SCD5: variants seen among roughly 807,000 people sequenced by gnomAD.
SCD5 encodes stearoyl-CoA desaturase 5, also known as acyl-CoA-desaturase 4.
SCD5 carries 20 observed loss-of-function variants against 30.4 expected under a neutral mutation model. That is an observed-to-expected ratio of 0.66 (90% CI 0.46 to 0.96). The LOEUF is 0.96. Ranked by LOEUF, SCD5 falls within the 40% of genes least tolerant of loss-of-function variation. The pLI is 0.00. For synonymous variants in SCD5, 173 were observed against 176.4 expected, an observed-to-expected ratio of 0.98 and a Z score of 0.16; for missense variants, 381 against 443.3, an observed-to-expected ratio of 0.86 and a Z score of 1.26.
chr4:82,715,776 G>C (rs1172799238), intron 1 of SCD5, among the ~76,000 whole-genome samples: 2 of 151,724 alleles, frequency 1.3e-5, no homozygotes, highest in Admixed American at 1.3e-4. Context: ...GCTGTCATAG[G>C]ATGATGCTGA....
At chr4:82,728,783 T>A (rs1003194621) in intron 1 of SCD5, among the ~76,000 whole-genome samples, 4 of 152,214 alleles carry the variant, frequency 2.6e-5, no homozygotes, top group African/African-American at 9.6e-5. Flanking sequence ...ATGACAATTC[T>A]GATTCTCCCA....
intron 1 of SCD5, among the ~76,000 whole-genome samples, chr4:82,772,779 T>C (rs1721656017): frequency 6.6e-6 from 1 of 152,200 alleles, no homozygotes; most frequent in South Asian, 2.1e-4. Flanking sequence ...GTCCTCTTCA[T>C]AGAATTTCTG....
chr4:82,750,784 T>C (rs1721086080), intron 1 of SCD5, among the ~76,000 whole-genome samples: 1 of 152,208 alleles, frequency 6.6e-6, no homozygotes, highest in Non-Finnish European at 1.5e-5. Context: ...TTACAGGTAG[T>C]GAATCTCATG....
At chr4:82,726,277 C>T (rs1422769147) in intron 1 of SCD5, among the ~76,000 whole-genome samples, 2 of 152,000 alleles carry the variant, frequency 1.3e-5, no homozygotes, top group African/African-American at 4.8e-5. Context: ...ATTAGCCGGG[C>T]GTGGTGGCTC....
At chr4:82,713,767 C>A (rs1241999629) in intron 1 of SCD5, among the ~76,000 whole-genome samples, 1 of 152,186 alleles carries the variant, frequency 6.6e-6, no homozygotes, top group Non-Finnish European at 1.5e-5. Context: ...TTTACTATTA[C>A]CCAGCAACCA....
At chr4:82,773,910 T>C (rs990279415) in intron 1 of SCD5, among the ~76,000 whole-genome samples, 17 of 151,904 alleles carry the variant, frequency 1.1e-4, no homozygotes, top group Admixed American at 3.3e-4. Flanking sequence ...GCCAATATGG[T>C]GAAACCTCGT....
At chr4:82,711,005 T>C (rs1275647573) in intron 1 of SCD5, among the ~76,000 whole-genome samples, 1 of 152,060 alleles carries the variant, frequency 6.6e-6, no homozygotes, top group Non-Finnish European at 1.5e-5. Flanking sequence ...CTGTGACAAT[T>C]TCTCTAAAGC....
chr4:82,700,849 T>C lies in SCD5; in HGVS notation c.363+4434A>G, dbSNP rs1270583272. ...AAGACATTCTCAGACAAACCAAAAT[T>C]GAGGGAATTTGTCACCAGTATACTT... On this transcript the variant is annotated intron_variant, in intron 2 of 4. Transcript: ENST00000319540. 2.8e-5 allele frequency among the ~76,000 whole-genome samples: 4 copies of C among 142,730 alleles called. No individual in the cohort carries two copies. In the Admixed American group the frequency reaches 2.8e-4, roughly 10 times the overall value. The allele number at this position is 142,730 out of a possible 152,430, so 93.6% of individuals were successfully genotyped here.
In SCD5 at chr4:82,685,787, T is replaced by C. The variant is rs1728690848; in HGVS notation, c.364-4875A>G. On this transcript the variant is annotated intron_variant, in intron 2 of 4. Transcript: ENST00000319540. ...AAACAAGTAAAATTAATTTTAATAA[T>C]ATATTTTACTTAGTGTAACATACCC... Among the ~76,000 whole-genome samples, 5 of 152,122 alleles carry C rather than the reference T, an allele frequency of 3.3e-5. No homozygotes were observed. The South Asian group carries it at 1.0e-3, about 32-fold the overall frequency.
intron 1 of SCD5, among the ~76,000 whole-genome samples, chr4:82,795,784 T>A (rs7692630): frequency 0.023 from 2,712 of 118,252 alleles, 84 homozygotes; most frequent in African/African-American, 0.082. Flanking sequence ...ATCGTGCCAC[T>A]GCACTCCAGC....
chr4:82,699,337 G>A (rs553934691), intron 2 of SCD5, among the ~76,000 whole-genome samples: 7 of 152,032 alleles, frequency 4.6e-5, no homozygotes, highest in Middle Eastern at 3.4e-3. Context: ...CTGTTTTCTC[G>A]CCTATCAAAT....
intron 1 of SCD5, among the ~76,000 whole-genome samples, chr4:82,717,899 G>C (rs1720263391): frequency 6.6e-6 from 1 of 151,274 alleles, no homozygotes; most frequent in Non-Finnish European, 1.5e-5. Context: ...CTGGGCGACA[G>C]AGTGAGATTC....
chr4:82,637,550 C>A lies in SCD5; in HGVS notation c.570-727G>T, dbSNP rs375367432. On this transcript the variant is annotated intron_variant, in intron 3 of 4. Coordinates refer to ENST00000319540, the MANE Select transcript of SCD5 (RefSeq NM_001037582.3). The stretch of plus-strand genomic sequence containing the variant: ...AATACAAAGACAAGTTAGGTGAAGC[C>A]CCTGACCCAGGCTTCAGCCAAGTGG... Among the ~76,000 whole-genome samples, 13 of 152,320 alleles carry A rather than the reference C, an allele frequency of 8.5e-5. No individual in the cohort carries two copies. The South Asian group carries it at 2.5e-3, about 29-fold the overall frequency.
At chr4:82,640,033 A>G (rs981053969) in intron 3 of SCD5, among the ~76,000 whole-genome samples, 1 of 152,140 alleles carries the variant, frequency 6.6e-6, no homozygotes, top group African/African-American at 2.4e-5. Context: ...GGCCCCAGGC[A>G]CAGGGAGGTG....
chr4:82,679,697 G>A (rs1188393552), intron 3 of SCD5, among the ~76,000 whole-genome samples: 1 of 152,186 alleles, frequency 6.6e-6, no homozygotes, highest in Non-Finnish European at 1.5e-5. Flanking sequence ...TCCAGGGTCT[G>A]CCAGTTTCTC....
chr4:82,766,929 C>T (rs767955533), intron 1 of SCD5, among the ~76,000 whole-genome samples: 1 of 152,062 alleles, frequency 6.6e-6, no homozygotes, highest in Non-Finnish European at 1.5e-5. Context: ...CCGCCCACCT[C>T]GACCTCCCAA....
chr4:82,735,309 T>A (rs1720727226), intron 1 of SCD5, among the ~76,000 whole-genome samples: 1 of 152,140 alleles, frequency 6.6e-6, no homozygotes, highest in African/African-American at 2.4e-5. Context: ...GTCTACACGG[T>A]CCAGATCTGA....
intron 1 of SCD5, among the ~76,000 whole-genome samples, chr4:82,710,027 T>C (rs1352057378): frequency 6.6e-6 from 1 of 152,220 alleles, no homozygotes; most frequent in Admixed American, 6.5e-5. Context: ...CTCTAAGTGA[T>C]AAAGCCAGAA....
chr4:82,662,018 T>G (rs1008990668), intron 3 of SCD5, among the ~76,000 whole-genome samples: 1 of 152,204 alleles, frequency 6.6e-6, no homozygotes, highest in Non-Finnish European at 1.5e-5. Context: ...ACAGTGTCTT[T>G]GTCTTTGGCC....
Sources: allele counts gnomAD v4.1 joint callset (sites outside exome capture counted in the v4.1 genomes callset), GRCh38; gene constraint gnomAD v4.1.1; transcripts MANE v1.5; gene names NCBI Gene and HGNC (gene_info 2026-07-23, HGNC 2026-07-21).